RASGRP2: variants seen among roughly 807,000 people sequenced by gnomAD.
The protein encoded by RASGRP2 is RAS guanyl releasing protein 2.
RASGRP2 carries 44 observed loss-of-function variants against 71.0 expected under a neutral mutation model. The ratio of observed to expected loss-of-function variants is 0.62; its 90% CI spans 0.49 to 0.80. The LOEUF is 0.80. RASGRP2 is among the 30% of genes least tolerant of loss of function. The pLI is 0.00. For synonymous variants in RASGRP2, 350 were observed against 330.7 expected, an observed-to-expected ratio of 1.06 and a Z score of -0.63; for missense variants, 663 against 813.4, an observed-to-expected ratio of 0.82 and a Z score of 2.25.
rs1352637569 is a variant in RASGRP2 at position 64,729,799 on chromosome 11, C to CTGCA, written c.1555-5_1555-2dup. On this transcript the variant is annotated splice_acceptor_variant, in intron 13 of 16. Transcript: ENST00000394432. LOFTEE classifies it high-confidence loss of function. ...GGCCCTGCTTGTAGATGCCCAGGAT[C>CTGCA]TGCAATAGAGGAGGGGCCGTGGTGG... is the stretch of plus-strand genomic sequence containing the variant. 1.2e-6 allele frequency: 2 copies of CTGCA among 1,614,102 alleles called. No homozygotes were observed. Among genetic ancestry groups the CTGCA allele is most frequent in the Non-Finnish European group, 1.7e-6 (2 of 1,179,982 alleles).
chr11:64,735,877 G>T lies in RASGRP2; in HGVS notation c.1173+26C>A. 6.2e-7 allele frequency: 1 copy of T among 1,603,380 alleles called. No homozygotes were observed. ...GGGATTCTCAGGAGGGAAGGGCAGAGTGGAGAGGAGGGAGTACCCCCTCAC... is the reference window on the plus strand; with the variant it reads ...GGGATTCTCAGGAGGGAAGGGCAGATTGGAGAGGAGGGAGTACCCCCTCAC... On this transcript the variant is annotated intron_variant, in intron 10 of 16. Coordinates refer to ENST00000394432, the MANE Select transcript of RASGRP2 (RefSeq NM_001098671.2). This position sits in a 1 kb window ranked among gnomAD's most constrained non-coding sequence, Gnocchi z 4.2.
intron 13 of RASGRP2, 52 bp downstream of exon 13, chr11:64,730,001 C>T (rs2057709636): frequency 2.6e-6 from 4 of 1,535,624 alleles, no homozygotes; most frequent in Non-Finnish European, 3.5e-6. Flanking sequence ...GAGGGCGGGG[C>T]CGGGGCTGGA....
In RASGRP2 at chr11:64,730,059, T is replaced by A; in HGVS notation, c.1548A>T (p.Lys516Asn). 1 of 1,552,144 alleles carries A rather than the reference T, an allele frequency of 6.4e-7. No individual in the cohort carries two copies. The highest frequency in any genetic ancestry group is 1.2e-5 in the South Asian group (1 of 84,154). ...CCGGGAAAGGGACTCTCACCAGGGC[T>A]TTGCAGTGGCGGCAGGCGACGGGGC... ...SLRPVACRHC[K>N]ALILGIYKQG... The change falls in exon 13 of 17, where the codon AAA (lysine) becomes AAT (asparagine). Residue 516 changes from lysine to asparagine, a missense_variant. Transcript: ENST00000394432.
Position 64,742,532 on chromosome 11 carries a change from GC to G in RASGRP2, c.73+261del, listed in dbSNP as rs937326403. 1.7e-6 allele frequency: 1 copy of G among 592,088 alleles called. No homozygotes were observed. The highest frequency in any genetic ancestry group is 3.0e-6 in the Non-Finnish European group (1 of 331,950). 36.7% of individuals were successfully genotyped at this position (592,088 alleles called of 1,614,324 possible). A position where few individuals can be genotyped will look rare whatever the true frequency, so the allele number is the denominator to read the frequency against. On this transcript the variant is annotated intron_variant, in intron 2 of 16. Transcript: ENST00000394432. This position sits in a 1 kb window ranked among gnomAD's most constrained non-coding sequence, Gnocchi z 4.7. ...CCGGATTCCCCGGGAGACAGATAAT[GC>G]CCCTCAAGTGTCAGAGTCCGGGACC...
Position 64,737,003 on chromosome 11 carries a change from G to T in RASGRP2, c.845C>A (p.Ala282Glu). 1 of 1,613,818 alleles carries T rather than the reference G, an allele frequency of 6.2e-7. No homozygotes were observed. Among genetic ancestry groups the T allele is most frequent in the Non-Finnish European group, 8.5e-7 (1 of 1,180,014 alleles). Residue 282 changes from alanine (A) to glutamate (E), a missense_variant, in exon 9 of 17, where the codon GCG becomes GAG. Physicochemically the swap from Ala to Glu is moderately radical, Grantham distance 107 (BLOSUM62 -1). Transcript: ENST00000394432. ...CCGGTAGTTGCCATAGTTGCCTGTC[G>T]CCGTCACTAGTTCCGTGAGACCCTC... ...LWEGLTELVT[A>E]TGNYGNYRRR...
At chr11:64,730,281 C>T in intron 12 of RASGRP2, 87 bp from the exon 13 acceptor site, 1 of 1,498,244 alleles carries the variant, frequency 6.7e-7, no homozygotes, top group Non-Finnish European at 9.1e-7. Flanking sequence ...TTCCCAGTGT[C>T]CTCATGGAAC....
rs561277835 is a variant in RASGRP2 at position 64,742,662 on chromosome 11, A to G, written c.73+132T>C. 11 of 1,244,304 alleles carry G rather than the reference A, an allele frequency of 8.8e-6. No homozygotes were observed. The African/African-American group carries it at 1.6e-4, about 19-fold the overall frequency. The allele number at this position is 1,244,304 out of a possible 1,614,324, so 77.1% of individuals were successfully genotyped here. ...CTGCGTTGCGGAGGAGGCTTTCGTTAAAGAGACTGCACGCTGCGGAGCAGG... is the reference window on the plus strand; with the variant it reads ...CTGCGTTGCGGAGGAGGCTTTCGTTGAAGAGACTGCACGCTGCGGAGCAGG... On this transcript the variant is annotated intron_variant, in intron 2 of 16. Transcript: ENST00000394432. The surrounding 1 kb of genome is among the most constrained non-coding windows in gnomAD (Gnocchi z 4.7).
chr11:64,728,759 A>G (rs1292280715), intron 15 of RASGRP2, 104 bp downstream of exon 15: 3 of 1,249,930 alleles, frequency 2.4e-6, no homozygotes, highest in Non-Finnish European at 3.3e-6. Context: ...TCCCACCACA[A>G]AAAGAGAATT....
In RASGRP2 at chr11:64,739,531, T is replaced by C. The variant is rs2058052301; in HGVS notation, c.697-55A>G. Reference sequence around the variant, plus strand: ...GGAGTCACTGAGTGGGCCCAGAATTTGGCCCAGCTTATCTAGAGAGAAGGC... The same window carrying C: ...GGAGTCACTGAGTGGGCCCAGAATTCGGCCCAGCTTATCTAGAGAGAAGGC... On this transcript the variant is annotated intron_variant, in intron 7 of 16. Coordinates refer to ENST00000394432, the MANE Select transcript of RASGRP2 (RefSeq NM_001098671.2). This position sits in a 1 kb window ranked among gnomAD's most constrained non-coding sequence, Gnocchi z 4.2. The C allele has an allele frequency of 1.9e-6, 3 of 1,606,794 alleles. No individual in the cohort carries two copies. The highest frequency in any genetic ancestry group is 1.7e-5 in the Admixed American group (1 of 60,010).
rs1335001577 is a variant in RASGRP2, at chr11:64,743,636, C to G, written c.-72+367G>C. On this transcript the variant is annotated intron_variant, in intron 1 of 16. Transcript: ENST00000394432. This position sits in a 1 kb window ranked among gnomAD's most constrained non-coding sequence, Gnocchi z 4.9. ...CGCAAAGGTCCCAGGGGTCCCGGCTCAGCTTGTCCACAGGCCCTCTTCCTC... is the reference window on the plus strand; with the variant it reads ...CGCAAAGGTCCCAGGGGTCCCGGCTGAGCTTGTCCACAGGCCCTCTTCCTC... 2.4e-6 allele frequency: 1 copy of G among 422,938 alleles called. No homozygotes were observed. Among genetic ancestry groups the G allele is most frequent in the Admixed American group, 2.7e-5 (1 of 36,696 alleles). The allele number at this position is 422,938 out of a possible 1,614,324, so 26.2% of individuals were successfully genotyped here. A position where few individuals can be genotyped will look rare whatever the true frequency, so the allele number is the denominator to read the frequency against.
At chr11:64,730,769 C>T (rs1464463467) in intron 12 of RASGRP2, among the ~76,000 whole-genome samples, 1 of 152,242 alleles carries the variant, frequency 6.6e-6, no homozygotes, top group Admixed American at 6.5e-5. Context: ...AGCTCTACTT[C>T]CCTGCCTCTT....
chr11:64,732,843 G>A (rs1004804952), intron 12 of RASGRP2, among the ~76,000 whole-genome samples: 6 of 151,624 alleles, frequency 4.0e-5, no homozygotes, highest in Non-Finnish European at 7.4e-5. Context: ...CCAGCTACTC[G>A]GGAGGCTGAG....
At chr11:64,736,340 G>A (rs1206569753) in intron 9 of RASGRP2, among the ~76,000 whole-genome samples, 1 of 151,944 alleles carries the variant, frequency 6.6e-6, no homozygotes, top group Non-Finnish European at 1.5e-5. Context: ...CTAGAACCTT[G>A]TCTGGATCTA....
chr11:64,728,937 G>A lies in RASGRP2; in HGVS notation c.1697C>T (p.Pro566Leu), dbSNP rs1232510150. 1 of 1,612,744 alleles carries A rather than the reference G, an allele frequency of 6.2e-7. No individual in the cohort carries two copies. The highest frequency in any genetic ancestry group is 8.5e-7 in the Non-Finnish European group (1 of 1,179,798). Residue 566 changes from proline (P) to leucine (L), a missense_variant, in exon 15 of 17, where the codon CCC becomes CTC. Pro to Leu is a moderately conservative substitution (Grantham distance 98). Transcript: ENST00000394432. ...GGCGCGGTGATGGTGGCTGTGCATG[G>A]GTGAGGGTGAGGGTGCAGACCCCTC... ...SLEGSAPSPS[P>L]MHSHHHRAFS... is the part of the protein sequence containing the mutation.
intron 12 of RASGRP2, among the ~76,000 whole-genome samples, chr11:64,732,706 G>A (rs1440602101): frequency 2.0e-5 from 3 of 152,078 alleles, no homozygotes; most frequent in African/African-American, 4.8e-5. Flanking sequence ...GCATGAACCC[G>A]GGAAGCAGAG....
intron 15 of RASGRP2, 141 bp from the exon 16 acceptor site, chr11:64,727,501 GC>G: frequency 1.9e-6 from 1 of 518,674 alleles, no homozygotes; most frequent in Non-Finnish European, 3.4e-6. Context: ...TGACCTCACA[GC>G]CCAATTTTTT....
In RASGRP2 at chr11:64,739,387, G is replaced by A. The variant is rs202011481; in HGVS notation, c.786C>T (p.His262=). The part of the protein sequence containing the change: ...HSSISRLKET[H]SHVSPETIKL... ...TGATGGTCTCAGGGCTAACGTGGCT[G>A]TGGGTCTCCTTGAGGCGGGAGATGG... Residue 262 remains histidine (H), a synonymous_variant, in exon 8 of 17, where the codon CAC becomes CAT. Transcript: ENST00000394432. The surrounding 1 kb of genome is among the most constrained non-coding windows in gnomAD (Gnocchi z 4.2). 193 of 1,614,180 alleles carry A rather than the reference G, an allele frequency of 1.2e-4. No homozygotes were observed. In the East Asian group the frequency reaches 4.2e-3, roughly 35 times the overall value.
Position 64,736,978 on chromosome 11 carries a change from C to G in RASGRP2, c.870G>C (p.Arg290=). The change falls in exon 9 of 17, where the codon CGG becomes CGC. Residue 290 remains arginine (R), a synonymous_variant. Coordinates refer to ENST00000394432, the MANE Select transcript of RASGRP2 (RefSeq NM_001098671.2). ...AGCCCACACAGGCTGCCAGCCGACG[C>G]CGGTAGTTGCCATAGTTGCCTGTCG... is the stretch of plus-strand genomic sequence containing the variant. The part of the protein sequence containing the change: ...VTATGNYGNY[R]RRLAACVGFR... The G allele has an allele frequency of 6.2e-7, 1 of 1,613,910 alleles. No individual in the cohort carries two copies. The highest frequency in any genetic ancestry group is 1.1e-5 in the South Asian group (1 of 91,080).
chr11:64,740,011 A>AC lies in RASGRP2; in HGVS notation c.522+1dup. On this transcript the variant is annotated splice_donor_variant, in intron 6 of 16. Transcript: ENST00000394432. LOFTEE classifies it high-confidence loss of function. ...CCTGACCCCCCAGCCCTCGGGCCGCACCAGGATCTTGCAGAAGGAGCGATA... is the reference window on the plus strand; with the variant it reads ...CCTGACCCCCCAGCCCTCGGGCCGCACCCAGGATCTTGCAGAAGGAGCGATA... 6.2e-7 allele frequency: 1 copy of AC among 1,613,930 alleles called. No homozygotes were observed. The highest frequency in any genetic ancestry group is 8.5e-7 in the Non-Finnish European group (1 of 1,179,986).
Sources: allele counts gnomAD v4.1 joint callset (sites outside exome capture counted in the v4.1 genomes callset), GRCh38; gene constraint gnomAD v4.1.1; non-coding constraint Gnocchi (gnomAD v3.1); transcripts MANE v1.5; gene names NCBI Gene and HGNC (gene_info 2026-07-23, HGNC 2026-07-21).